The following LDB2 variants were observed in gnomAD, a reference collection of about 807,000 sequenced individuals.
The protein encoded by LDB2 is LIM domain binding 2.
LDB2 carries 12 observed loss-of-function variants against 44.3 expected under a neutral mutation model. That is an observed-to-expected ratio of 0.27 (90% CI 0.17 to 0.44). LDB2 has a LOEUF of 0.44. Among genes scored for constraint, LDB2 ranks in the 20% least tolerant of loss-of-function variants. LDB2 has a pLI of 1.00. For synonymous variants in LDB2, 164 were observed against 174.8 expected (o/e 0.94, Z 0.49); for missense variants, 344 against 473.5 (o/e 0.73, Z 2.54).
At chr4:16,689,513 C>G (rs1485849264) in intron 2 of LDB2, among the ~76,000 whole-genome samples, 1 of 152,174 alleles carries the variant, frequency 6.6e-6, no homozygotes, top group African/African-American at 2.4e-5. Context: ...ATGGTGGAGT[C>G]TTTGTGGTAT....
chr4:16,820,234 T>C (rs922865808), intron 1 of LDB2, among the ~76,000 whole-genome samples: 1 of 152,218 alleles, frequency 6.6e-6, no homozygotes, highest in African/African-American at 2.4e-5. Context: ...TTTTGCATGA[T>C]AATACATTCA....
At chr4:16,599,231 G>T (rs1283302199) in intron 2 of LDB2, among the ~76,000 whole-genome samples, 1 of 152,126 alleles carries the variant, frequency 6.6e-6, no homozygotes, top group Non-Finnish European at 1.5e-5. Context: ...GTTGTCAGCA[G>T]GGCTGAATTC....
At chr4:16,669,808 A>C (rs894967559) in intron 2 of LDB2, among the ~76,000 whole-genome samples, 1 of 152,174 alleles carries the variant, frequency 6.6e-6, no homozygotes, top group Non-Finnish European at 1.5e-5. Context: ...TTCACATTTC[A>C]TCCAGCCCTC....
intron 2 of LDB2, among the ~76,000 whole-genome samples, chr4:16,609,650 C>A (rs13113595): frequency 0.58 from 88,692 of 152,032 alleles, 26,093 homozygotes; most frequent in Middle Eastern, 0.73. Context: ...TGCTTCCCTG[C>A]AGGATCTCCA....
At chr4:16,576,523 A>G (rs1257058385) in intron 5 of LDB2, among the ~76,000 whole-genome samples, 1 of 152,230 alleles carries the variant, frequency 6.6e-6, no homozygotes, top group Non-Finnish European at 1.5e-5. Flanking sequence ...ACCTACCAAG[A>G]TTGAAACATG....
chr4:16,694,170 G>T (rs900339274), intron 2 of LDB2, among the ~76,000 whole-genome samples: 1 of 152,218 alleles, frequency 6.6e-6, no homozygotes, highest in African/African-American at 2.4e-5. Context: ...TTCTTCAGTT[G>T]GGATTTGGTC....
At chr4:16,711,096 C>T (rs1334242612) in intron 2 of LDB2, among the ~76,000 whole-genome samples, 1 of 152,224 alleles carries the variant, frequency 6.6e-6, no homozygotes, top group Non-Finnish European at 1.5e-5. Context: ...GACACTCTTA[C>T]AATCTAGGGG....
intron 1 of LDB2, among the ~76,000 whole-genome samples, chr4:16,853,407 A>G (rs1788669735): frequency 6.6e-6 from 1 of 152,170 alleles, no homozygotes; most frequent in African/African-American, 2.4e-5. Flanking sequence ...AATAGCAGAG[A>G]AATGCAGATC....
At chr4:16,864,663 C>T (rs1714004298) in intron 1 of LDB2, among the ~76,000 whole-genome samples, 1 of 152,110 alleles carries the variant, frequency 6.6e-6, no homozygotes, top group Non-Finnish European at 1.5e-5. Context: ...AGTAGCTCAC[C>T]CCTGTAATCT....
At position 16,754,030 on chromosome 4, in the gene LDB2, G is replaced by C. The variant is rs1579347549; in HGVS notation, c.235+5128C>G. On this transcript the variant is annotated intron_variant, in intron 2 of 7. Coordinates refer to ENST00000304523, the MANE Select transcript of LDB2 (RefSeq NM_001290.5). The stretch of plus-strand genomic sequence containing the variant: ...GAATTAGGTTTTTCTCTAAGAAACA[G>C]GCCAACAGAAAGTGCTCTGAAACAA... 4.6e-5 allele frequency among the ~76,000 whole-genome samples: 7 copies of C among 152,286 alleles called. No individual in the cohort carries two copies. In the South Asian group the frequency reaches 1.4e-3, roughly 32 times the overall value.
intron 1 of LDB2, among the ~76,000 whole-genome samples, chr4:16,812,392 G>C (rs1313011579): frequency 2.6e-5 from 4 of 151,980 alleles, no homozygotes; most frequent in Non-Finnish European, 5.9e-5. Flanking sequence ...TTCTGTAGTA[G>C]TAGTTAAAGT....
At position 16,525,335 on chromosome 4, in the gene LDB2, C is replaced by T. The variant is rs1028344956; in HGVS notation, c.616-13231G>A. Reference sequence around the variant, plus strand: ...TTGGCTGCTTTCTTGGGAGCTTCTACCAGGCAACAGCTCTCCAGCTCTGCT... The same window carrying T: ...TTGGCTGCTTTCTTGGGAGCTTCTATCAGGCAACAGCTCTCCAGCTCTGCT... On this transcript the variant is annotated intron_variant, in intron 5 of 7. Transcript: ENST00000304523. Among the ~76,000 whole-genome samples, 12 of 152,268 alleles carry T rather than the reference C, an allele frequency of 7.9e-5. No homozygotes were observed. The East Asian group carries it at 2.3e-3, about 29-fold the overall frequency.
chr4:16,699,992 G>A (rs1472604603), intron 2 of LDB2, among the ~76,000 whole-genome samples: 1 of 152,160 alleles, frequency 6.6e-6, no homozygotes, highest in African/African-American at 2.4e-5. Context: ...TATCTGAAAT[G>A]TTTGGGGCCA....
In LDB2 at chr4:16,898,606, G is replaced by A. The variant is rs1725988851; in HGVS notation, c.-121C>T. 7 of 791,000 alleles carry A rather than the reference G, an allele frequency of 8.8e-6. No homozygotes were observed. The Admixed American group carries it at 1.9e-4, about 21-fold the overall frequency. 49.0% of individuals were successfully genotyped at this position (791,000 alleles called of 1,614,324 possible). A position where few individuals can be genotyped will look rare whatever the true frequency, so the allele number is the denominator to read the frequency against. On this transcript the variant is annotated 5_prime_UTR_variant, in exon 1 of 8. Coordinates refer to ENST00000304523, the MANE Select transcript of LDB2 (RefSeq NM_001290.5). Reference sequence around the variant, plus strand: ...GCACACACGCTCACACACACACAGAGGCAGGCAGGCAGGCAGGCTGAACAC... The same window carrying A: ...GCACACACGCTCACACACACACAGAAGCAGGCAGGCAGGCAGGCTGAACAC...
In LDB2 at chr4:16,859,867, G is replaced by A. The variant is rs183735944; in HGVS notation, c.132+38487C>T. On this transcript the variant is annotated intron_variant, in intron 1 of 7. Coordinates refer to ENST00000304523, the MANE Select transcript of LDB2 (RefSeq NM_001290.5). ...TTATAAAAAGTGACATATATTGAAC[G>A]TTTAAAATTTGTCAGGCACTATGCA... 1.4e-4 allele frequency among the ~76,000 whole-genome samples: 21 copies of A among 152,308 alleles called. No homozygotes were observed. In the East Asian group the frequency reaches 3.1e-3, roughly 22 times the overall value.
chr4:16,585,174 G>A (rs919668698), intron 5 of LDB2, among the ~76,000 whole-genome samples: 11 of 152,128 alleles, frequency 7.2e-5, no homozygotes, highest in African/African-American at 2.2e-4. Flanking sequence ...TTCTGACTGC[G>A]GAGACCAGAG....
At chr4:16,592,897 A>G (rs1719621709) in intron 3 of LDB2, among the ~76,000 whole-genome samples, 1 of 152,182 alleles carries the variant, frequency 6.6e-6, no homozygotes. Flanking sequence ...AATATTACTC[A>G]GAGTCTTTAA....
intron 1 of LDB2, among the ~76,000 whole-genome samples, chr4:16,871,249 C>G (rs1716493198): frequency 6.6e-6 from 1 of 152,240 alleles, no homozygotes; most frequent in Non-Finnish European, 1.5e-5. Flanking sequence ...CTCAACCCCA[C>G]ACTTTGAATA....
intron 1 of LDB2, among the ~76,000 whole-genome samples, chr4:16,838,189 A>C (rs2110090658): frequency 6.6e-6 from 1 of 152,312 alleles, no homozygotes; most frequent in South Asian, 2.1e-4. Flanking sequence ...TGACATGGAA[A>C]TATATGAGCT....
Sources: gnomAD v4.1 joint callset for allele counts (sites outside exome capture counted in the v4.1 genomes callset) on GRCh38, gnomAD v4.1.1 for gene constraint, MANE v1.5 for transcripts, NCBI Gene and HGNC (gene_info 2026-07-23, HGNC 2026-07-21) for gene names.